The following PDE4D variants were observed in gnomAD, a reference collection of about 807,000 sequenced individuals.
PDE4D encodes 3',5'-cyclic-AMP phosphodiesterase 4D.
Under a neutral mutation model 87.4 loss-of-function variants are expected in PDE4D, and 24 were observed. The observed-to-expected ratio is 0.27, with a 90% CI of 0.20 to 0.39. PDE4D has a LOEUF of 0.39. Among genes scored for constraint, PDE4D ranks in the 10% least tolerant of loss-of-function variants. PDE4D has a pLI of 1.00. For synonymous variants in PDE4D, 384 were observed against 383.2 expected (o/e 1.00, Z -0.02); for missense variants, 714 against 1,041.0 (o/e 0.69, Z 4.32).
intron 5 of PDE4D, among the ~76,000 whole-genome samples, chr5:59,108,436 G>A (rs915550387): frequency 1.3e-5 from 2 of 152,076 alleles, no homozygotes; most frequent in African/African-American, 4.8e-5. Context: ...ATGGATTAGT[G>A]TACATGTGTA....
At chr5:59,703,791 T>G in intron 1 of PDE4D, 1 of 301,596 alleles carries the variant, frequency 3.3e-6, no homozygotes, top group Non-Finnish European at 7.0e-6. Context: ...ATGAATGACT[T>G]GAAGCAACAT....
At chr5:60,302,589 C>A (rs4379156) in intron 1 of PDE4D, among the ~76,000 whole-genome samples, 148,209 of 152,204 alleles carry the variant, frequency 0.97, 72,171 homozygotes, top group East Asian at 1. Context: ...CTAGCAGTCT[C>A]TTTTATTAAT....
chr5:60,071,770 A>C (rs1028033275), intron 2 of PDE4D, among the ~76,000 whole-genome samples: 1 of 152,030 alleles, frequency 6.6e-6, no homozygotes, highest in African/African-American at 2.4e-5. Context: ...AAAATGCAGT[A>C]TTTCATTTTC....
intron 5 of PDE4D, among the ~76,000 whole-genome samples, chr5:59,161,671 G>A (rs1281673469): frequency 1.3e-5 from 2 of 152,174 alleles, no homozygotes; most frequent in Admixed American, 1.3e-4. Context: ...TGGCCAAGGA[G>A]GAAGTCCATT....
At chr5:60,261,196 T>C (rs865984460) in intron 1 of PDE4D, among the ~76,000 whole-genome samples, 2 of 152,178 alleles carry the variant, frequency 1.3e-5, no homozygotes, top group Non-Finnish European at 2.9e-5. Flanking sequence ...TACATGTGCA[T>C]TGTTCCATAC....
intron 1 of PDE4D, among the ~76,000 whole-genome samples, chr5:59,539,522 T>G (rs1342790733): frequency 6.6e-6 from 1 of 152,168 alleles, no homozygotes; most frequent in Non-Finnish European, 1.5e-5. Flanking sequence ...TCTGAGAAAA[T>G]GAAATTACTT....
In PDE4D at chr5:60,518,353, TC is replaced by T. The variant is rs112057336; in HGVS notation, n.70+3697del. Among the ~76,000 whole-genome samples the T allele has an allele frequency of 9.8e-4, 149 of 152,368 alleles. 2 individuals carry two copies. Among genetic ancestry groups the T allele is most frequent in the African/African-American group, 3.6e-3 (148 of 41,594 alleles). ...AAAGGCACCATTAGCCACAAAGGTT[TC>T]TGGCTGGCAAAGCAACACCCCAAGG... is the stretch of plus-strand genomic sequence containing the variant. On this transcript the variant is annotated intron_variant and non_coding_transcript_variant, in intron 1 of 2. Transcript: ENST00000506510.
chr5:59,039,038 A>C (rs1271252196), intron 5 of PDE4D, 67 bp from the exon 6 acceptor site: 3 of 1,530,610 alleles, frequency 2.0e-6, no homozygotes, highest in Non-Finnish European at 2.6e-6. Context: ...GCGAGTTCAA[A>C]GGGGGCCATC....
chr5:59,848,480 G>A (rs183023338), intron 1 of PDE4D, among the ~76,000 whole-genome samples: 94 of 151,992 alleles, frequency 6.2e-4, no homozygotes, highest in African/African-American at 1.9e-3. Flanking sequence ...GTAAGTTTTT[G>A]CAGCCACTAA....
intron 1 of PDE4D, among the ~76,000 whole-genome samples, chr5:60,320,897 C>T (rs921801247): frequency 2.6e-5 from 4 of 151,980 alleles, no homozygotes; most frequent in Admixed American, 6.6e-5. Flanking sequence ...TCAAAGAAAT[C>T]GGAAATAACA....
intron 1 of PDE4D, among the ~76,000 whole-genome samples, chr5:59,628,549 C>T (rs1489882151): frequency 2.0e-5 from 3 of 152,050 alleles, no homozygotes; most frequent in South Asian, 2.1e-4. Flanking sequence ...ACTTATACCA[C>T]CTATTACTTA....
At chr5:58,998,843 C>T (rs1423142075) in intron 6 of PDE4D, among the ~76,000 whole-genome samples, 2 of 152,076 alleles carry the variant, frequency 1.3e-5, no homozygotes, top group African/African-American at 4.8e-5. Flanking sequence ...GATCACAATG[C>T]TAATGTTACC....
chr5:60,294,050 A>G (rs1209051057), intron 1 of PDE4D, among the ~76,000 whole-genome samples: 1 of 152,210 alleles, frequency 6.6e-6, no homozygotes, highest in Non-Finnish European at 1.5e-5. Flanking sequence ...TTTCCTATCA[A>G]CAAGTGTAAG....
At position 58,974,594 on chromosome 5, in the gene PDE4D, G is replaced by T; in HGVS notation, c.*70C>A. 1 of 1,399,438 alleles carries T rather than the reference G, an allele frequency of 7.1e-7. No individual in the cohort carries two copies. The highest frequency in any genetic ancestry group is 9.7e-7 in the Non-Finnish European group (1 of 1,033,210). The allele number at this position is 1,399,438 out of a possible 1,614,324, so 86.7% of individuals were successfully genotyped here. Reference sequence around the variant, plus strand: ...ACAGTGAGGTGTGACCGTGGTTGTGGCATGTGACATGCACTTTGGAAACAA... The same window carrying T: ...ACAGTGAGGTGTGACCGTGGTTGTGTCATGTGACATGCACTTTGGAAACAA... On this transcript the variant is annotated 3_prime_UTR_variant, in exon 15 of 15. Transcript: ENST00000340635.
chr5:59,942,576 G>C (rs1226462307), intron 3 of PDE4D, among the ~76,000 whole-genome samples: 2 of 152,168 alleles, frequency 1.3e-5, no homozygotes, highest in Non-Finnish European at 2.9e-5. Context: ...AGAGAGAATA[G>C]TGTCAGAGGA....
At chr5:60,370,675 A>T (rs1026670155) in intron 1 of PDE4D, among the ~76,000 whole-genome samples, 2 of 152,178 alleles carry the variant, frequency 1.3e-5, no homozygotes, top group African/African-American at 4.8e-5. Flanking sequence ...TTCATGAGAC[A>T]AATGGCCTTT....
intron 1 of PDE4D, among the ~76,000 whole-genome samples, chr5:59,607,840 A>G (rs1828426150): frequency 2.0e-5 from 3 of 152,130 alleles, no homozygotes; most frequent in Admixed American, 2.0e-4. Flanking sequence ...GTTACACTGC[A>G]CAGTTTGTCT....
At chr5:60,058,614 G>A (rs1265812835) in intron 2 of PDE4D, among the ~76,000 whole-genome samples, 1 of 151,870 alleles carries the variant, frequency 6.6e-6, no homozygotes, top group African/African-American at 2.4e-5. Context: ...GCTGCTAAAA[G>A]TATTTCTACA....
chr5:59,841,063 G>A (rs1182112890), intron 1 of PDE4D, among the ~76,000 whole-genome samples: 1 of 152,034 alleles, frequency 6.6e-6, no homozygotes, highest in East Asian at 1.9e-4. Flanking sequence ...TTTCAACATA[G>A]AGTGTGGGAA....
Sources: allele counts gnomAD v4.1 joint callset (sites outside exome capture counted in the v4.1 genomes callset), GRCh38; gene constraint gnomAD v4.1.1; transcripts MANE v1.5; gene names NCBI Gene and HGNC (gene_info 2026-07-23, HGNC 2026-07-21).